Variants in ADAMTS9 observed in about 807,000 individuals in gnomAD.
ADAMTS9 encodes the protein ADAM metallopeptidase with thrombospondin type 1 motif 9, also known as A disintegrin and metalloproteinase with thrombospondin motifs 9.
ADAMTS9 carries 107 observed loss-of-function variants against 257.1 expected under a neutral mutation model. The observed-to-expected ratio is 0.42, with a 90% CI of 0.36 to 0.49. The LOEUF (loss-of-function observed/expected upper bound fraction) is 0.49. ADAMTS9 is among the 20% of genes least tolerant of loss of function. The pLI is 0.03. For synonymous variants in ADAMTS9, 982 were observed against 880.9 expected, an observed-to-expected ratio of 1.11 and a Z score of -2.03; for missense variants, 2,353 against 2,469.1, an observed-to-expected ratio of 0.95 and a Z score of 1.00.
intron 22 of ADAMTS9, among the ~76,000 whole-genome samples, chr3:64,612,186 C>A (rs975978323): frequency 1.3e-5 from 2 of 151,746 alleles, no homozygotes; most frequent in Non-Finnish European, 2.9e-5. Flanking sequence ...TTCCCCTGAA[C>A]TGCATGTTCA....
intron 28 of ADAMTS9, among the ~76,000 whole-genome samples, chr3:64,581,064 T>A (rs1025865550): frequency 2.0e-5 from 3 of 152,136 alleles, no homozygotes; most frequent in African/African-American, 7.2e-5. Flanking sequence ...TAAGACCTAT[T>A]TTGCAAGGAT....
chr3:64,651,486 T>C (rs1435948527), intron 8 of ADAMTS9, among the ~76,000 whole-genome samples: 1 of 152,094 alleles, frequency 6.6e-6, no homozygotes, highest in Non-Finnish European at 1.5e-5. Context: ...TAGAATACAG[T>C]AGTTGGAATT....
intron 12 of ADAMTS9, among the ~76,000 whole-genome samples, chr3:64,638,918 C>G (rs925508679): frequency 1.3e-5 from 2 of 151,920 alleles, no homozygotes; most frequent in African/African-American, 4.8e-5. Context: ...ATACCTTGTA[C>G]CTTGGATTCT....
chr3:64,651,214 T>G, intron 8 of ADAMTS9, 51 bp from the exon 9 acceptor site: 1 of 1,490,124 alleles, frequency 6.7e-7, no homozygotes. Flanking sequence ...CAAGGGATCA[T>G]GCTGTTCTAA....
intron 30 of ADAMTS9, among the ~76,000 whole-genome samples, chr3:64,551,838 G>A (rs2083275532): frequency 6.6e-6 from 1 of 152,166 alleles, no homozygotes; most frequent in Non-Finnish European, 1.5e-5. Context: ...AAGCATAAAG[G>A]AAAGTTTCAG....
rs183780847 is a variant in ADAMTS9 at position 64,516,567 on chromosome 3, C to G, written c.*560G>C. ...GCACCAAGGCAGCATATTTTTTTCCCAGAGATCACATGAAACTGAATACTT... is the reference window on the plus strand; with the variant it reads ...GCACCAAGGCAGCATATTTTTTTCCGAGAGATCACATGAAACTGAATACTT... On this transcript the variant is annotated 3_prime_UTR_variant, in exon 40 of 40. Transcript: ENST00000498707. 7 of 152,568 alleles carry G rather than the reference C, an allele frequency of 4.6e-5. No individual in the cohort carries two copies. Among genetic ancestry groups the G allele is most frequent in the Non-Finnish European group, 8.8e-5 (6 of 67,994 alleles). The allele number at this position is 152,568 out of a possible 1,614,324, so 9.5% of individuals were successfully genotyped here. A position where few individuals can be genotyped will look rare whatever the true frequency, so the allele number is the denominator to read the frequency against.
At chr3:64,534,987 A>G (rs2083031237) in intron 37 of ADAMTS9, among the ~76,000 whole-genome samples, 1 of 152,200 alleles carries the variant, frequency 6.6e-6, no homozygotes, top group African/African-American at 2.4e-5. Context: ...TCATCTGTAA[A>G]ATGGATTAGT....
chr3:64,530,876 T>C (rs2082972623), intron 38 of ADAMTS9, among the ~76,000 whole-genome samples: 2 of 152,110 alleles, frequency 1.3e-5, no homozygotes, highest in Non-Finnish European at 2.9e-5. Context: ...AAACATACAG[T>C]GTATTTCAAA....
At chr3:64,589,574 C>T (rs573607991) in intron 28 of ADAMTS9, 38 of 152,244 alleles carry the variant, frequency 2.5e-4, no homozygotes, top group African/African-American at 8.2e-4. Flanking sequence ...ACACAGCAAA[C>T]GTTAGCTATT....
chr3:64,553,024 C>T (rs1053509174), intron 30 of ADAMTS9, among the ~76,000 whole-genome samples: 18 of 151,852 alleles, frequency 1.2e-4, no homozygotes, highest in Non-Finnish European at 1.2e-4. Context: ...ATGATATGCC[C>T]TATGTCTTTT....
intron 28 of ADAMTS9, among the ~76,000 whole-genome samples, chr3:64,570,971 A>T (rs1426818786): frequency 6.6e-6 from 1 of 152,196 alleles, no homozygotes; most frequent in Non-Finnish European, 1.5e-5. Flanking sequence ...GAAGAAACAT[A>T]GTTGTGTCAG....
chr3:64,573,322 T>C (rs1388921344), intron 28 of ADAMTS9, among the ~76,000 whole-genome samples: 2 of 152,146 alleles, frequency 1.3e-5, no homozygotes, highest in Non-Finnish European at 2.9e-5. Flanking sequence ...ACATGAAATA[T>C]GAAATGGGGG....
intron 3 of ADAMTS9, among the ~76,000 whole-genome samples, chr3:64,678,656 G>A (rs1435217621): frequency 3.3e-5 from 5 of 152,178 alleles, no homozygotes; most frequent in Non-Finnish European, 7.3e-5. Flanking sequence ...TTGCTAGGCA[G>A]CCCCTTTTCT....
chr3:64,546,368 T>C (rs1202780008), intron 32 of ADAMTS9, among the ~76,000 whole-genome samples: 4 of 152,208 alleles, frequency 2.6e-5, no homozygotes, highest in African/African-American at 9.7e-5. Context: ...TAAAAAATGT[T>C]TGGATTTTAT....
At chr3:64,668,427 A>G (rs7642530) in intron 3 of ADAMTS9, among the ~76,000 whole-genome samples, 105,727 of 152,032 alleles carry the variant, frequency 0.7, 37,837 homozygotes, top group African/African-American at 0.88. Flanking sequence ...ACAGCGTATT[A>G]CGGGAGATAA....
rs568978881 is a variant in ADAMTS9, at chr3:64,616,247, A to G, written c.2814-77T>C. 8 of 1,458,866 alleles carry G rather than the reference A, an allele frequency of 5.5e-6. No homozygotes were observed. The East Asian group carries it at 1.4e-4, about 25-fold the overall frequency. 90.4% of individuals were successfully genotyped at this position (1,458,866 alleles called of 1,614,324 possible). A position where few individuals can be genotyped will look rare whatever the true frequency, so the allele number is the denominator to read the frequency against. On this transcript the variant is annotated intron_variant, in intron 19 of 39. Transcript: ENST00000498707. ...TTATCTATAGTCAACTGGTATTCAT[A>G]GAAGAGTTGAGTTCTTTTTTCTTTC...
chr3:64,656,644 G>A (rs1185457468), intron 4 of ADAMTS9, among the ~76,000 whole-genome samples: 1 of 152,136 alleles, frequency 6.6e-6, no homozygotes, highest in African/African-American at 2.4e-5. Flanking sequence ...GGAGAGAACT[G>A]AAATTAAGAG....
intron 22 of ADAMTS9, among the ~76,000 whole-genome samples, chr3:64,612,773 C>T (rs937592715): frequency 2.0e-5 from 3 of 152,156 alleles, no homozygotes; most frequent in African/African-American, 7.2e-5. Flanking sequence ...GAGACTTTCA[C>T]TCTCTCCTTT....
At chr3:64,554,430 T>C (rs1348510758) in intron 30 of ADAMTS9, among the ~76,000 whole-genome samples, 1 of 152,096 alleles carries the variant, frequency 6.6e-6, no homozygotes, top group Non-Finnish European at 1.5e-5. Flanking sequence ...CTAACTAGGG[T>C]ATGGGGGCTG....
Sources: allele counts gnomAD v4.1 joint callset (sites outside exome capture counted in the v4.1 genomes callset), GRCh38; gene constraint gnomAD v4.1.1; transcripts MANE v1.5; gene names NCBI Gene and HGNC (gene_info 2026-07-23, HGNC 2026-07-21).